KCNK13: variants seen among roughly 807,000 people sequenced by gnomAD.
The protein encoded by KCNK13 is potassium channel subfamily K member 13.
KCNK13 carries 12 observed loss-of-function variants against 23.4 expected under a neutral mutation model. That is an observed-to-expected ratio of 0.51 (90% confidence interval 0.33 to 0.83). The LOEUF is 0.83. Among genes scored for constraint, KCNK13 ranks in the 40% least tolerant of loss-of-function variants. KCNK13 has a pLI of 0.02. For synonymous variants in KCNK13, 231 were observed against 229.5 expected (o/e 1.01, Z -0.06); for missense variants, 463 against 556.3 (o/e 0.83, Z 1.69).
intron 1 of KCNK13, among the ~76,000 whole-genome samples, chr14:90,159,077 C>T (rs1890224955): frequency 6.6e-6 from 1 of 152,196 alleles, no homozygotes. Flanking sequence ...GGTTGAGTGG[C>T]TGGCATCAGG....
intron 1 of KCNK13, among the ~76,000 whole-genome samples, chr14:90,101,367 A>G (rs1889474981): frequency 1.3e-5 from 2 of 152,100 alleles, no homozygotes; most frequent in South Asian, 4.2e-4. Flanking sequence ...TTGTCCTCGT[A>G]TGGCAAAACC....
rs543598452 is a variant in KCNK13, at chr14:90,138,577, T to C, written c.335-45534T>C. On this transcript the variant is annotated intron_variant, in intron 1 of 1. Transcript: ENST00000282146. The stretch of plus-strand genomic sequence containing the variant: ...AGCATTCCCTATTTACCATGGATAA[T>C]TGAGAATTTATATAAAATGTCAGAG... Among the ~76,000 whole-genome samples the C allele has an allele frequency of 4.0e-4, 61 of 152,334 alleles. No individual in the cohort carries two copies. In the South Asian group the frequency reaches 0.012, roughly 31 times the overall value.
At position 90,185,011 on chromosome 14, in the gene KCNK13, G is replaced by T; in HGVS notation, c.*8G>T. On this transcript the variant is annotated 3_prime_UTR_variant, in exon 2 of 2. Transcript: ENST00000282146. ...ACCAGTGGGGACAGGTAGAAGCCAG[G>T]AGTGGATGCTGGGCAGAGGCCAGAG... is the stretch of plus-strand genomic sequence containing the variant. The T allele has an allele frequency of 6.4e-7, 1 of 1,568,830 alleles. No homozygotes were observed. The highest frequency in any genetic ancestry group is 1.2e-5 in the South Asian group (1 of 85,124).
In KCNK13 at chr14:90,116,445, A is replaced by G. The variant is rs942074299; in HGVS notation, c.334+53906A>G. Among the ~76,000 whole-genome samples the G allele has an allele frequency of 3.9e-5, 6 of 152,200 alleles. No homozygotes were observed. The East Asian group carries it at 9.6e-4, about 24-fold the overall frequency. ...ACAGTTATAGCAATTTTCAGTTGCT[A>G]TGGCAGACCGCATCCCTGAAAAGGA... On this transcript the variant is annotated intron_variant, in intron 1 of 1. Transcript: ENST00000282146.
rs1170899930 is a variant in KCNK13, at chr14:90,062,358, G to A, written c.153G>A (p.Gln51=). Residue 51 remains glutamine (Q), a synonymous_variant, in exon 1 of 2, where the codon CAG becomes CAA. Transcript: ENST00000282146. The surrounding 1 kb of genome is among the most constrained non-coding windows in gnomAD (Gnocchi z 4.5). The part of the protein sequence containing the change: ...LELAHERQAK[Q]RWEERLANFS... Reference sequence around the variant, plus strand: ...TGGCGCACGAGCGCCAGGCCAAGCAGCGCTGGGAGGAGCGCCTGGCCAACT... The same window carrying A: ...TGGCGCACGAGCGCCAGGCCAAGCAACGCTGGGAGGAGCGCCTGGCCAACT... 2 of 1,556,906 alleles carry A rather than the reference G, an allele frequency of 1.3e-6. No individual in the cohort carries two copies. Among genetic ancestry groups the A allele is most frequent in the Non-Finnish European group, 8.7e-7 (1 of 1,153,176 alleles).
intron 1 of KCNK13, among the ~76,000 whole-genome samples, chr14:90,099,234 G>A (rs1321838634): frequency 1.3e-5 from 2 of 152,224 alleles, no homozygotes; most frequent in Admixed American, 6.5e-5. Context: ...TCAGTCAGTC[G>A]AGGTTTCTCA....
At position 90,152,352 on chromosome 14, in the gene KCNK13, A is replaced by G. The variant is rs1019562816; in HGVS notation, c.335-31759A>G. On this transcript the variant is annotated intron_variant, in intron 1 of 1. Coordinates refer to ENST00000282146, the MANE Select transcript of KCNK13 (RefSeq NM_022054.4). The stretch of plus-strand genomic sequence containing the variant: ...GGAGTTCCAGACCAGCCTGACCAAC[A>G]TGGTAAAACCCCATCTCTACTAAAA... 2.0e-5 allele frequency among the ~76,000 whole-genome samples: 3 copies of G among 152,288 alleles called. No individual in the cohort carries two copies. In the East Asian group the frequency reaches 5.8e-4, roughly 29 times the overall value.
At chr14:90,086,259 C>T (rs1889275113) in intron 1 of KCNK13, among the ~76,000 whole-genome samples, 1 of 151,912 alleles carries the variant, frequency 6.6e-6, no homozygotes, top group Non-Finnish European at 1.5e-5. Context: ...TATATTTTTC[C>T]TCTCCTGTGG....
chr14:90,137,273 G>T (rs959355906), intron 1 of KCNK13, among the ~76,000 whole-genome samples: 2 of 151,322 alleles, frequency 1.3e-5, no homozygotes, highest in African/African-American at 4.8e-5. Context: ...CCTTTGGCCA[G>T]TGTTTCTACT....
At chr14:90,083,533 A>T (rs1277906860) in intron 1 of KCNK13, among the ~76,000 whole-genome samples, 1 of 152,256 alleles carries the variant, frequency 6.6e-6, no homozygotes, top group African/African-American at 2.4e-5. Context: ...TTATAACAAT[A>T]TAAAGAGGTG....
chr14:90,156,191 T>G (rs1201410244), intron 1 of KCNK13, among the ~76,000 whole-genome samples: 13 of 102,430 alleles, frequency 1.3e-4, no homozygotes, highest in African/African-American at 1.6e-4. Flanking sequence ...GGTGACAGAG[T>G]GAGAGTCTGG....
intron 1 of KCNK13, among the ~76,000 whole-genome samples, chr14:90,129,326 G>C (rs1889839924): frequency 6.6e-6 from 1 of 152,186 alleles, no homozygotes; most frequent in South Asian, 2.1e-4. Flanking sequence ...ACTCTTGGCA[G>C]ATGTCTCCTA....
chr14:90,125,486 G>A (rs886838207), intron 1 of KCNK13, among the ~76,000 whole-genome samples: 1 of 151,820 alleles, frequency 6.6e-6, no homozygotes, highest in East Asian at 1.9e-4. Context: ...GCCTCCCAAA[G>A]TTCTGGGATT....
At chr14:90,097,380 A>G (rs935101995) in intron 1 of KCNK13, among the ~76,000 whole-genome samples, 1 of 152,106 alleles carries the variant, frequency 6.6e-6, no homozygotes, top group Non-Finnish European at 1.5e-5. Flanking sequence ...CCCACTGTCA[A>G]GGGAACTGAT....
At chr14:90,144,642 A>G (rs1477999407) in intron 1 of KCNK13, among the ~76,000 whole-genome samples, 2 of 151,848 alleles carry the variant, frequency 1.3e-5, no homozygotes, top group Non-Finnish European at 2.9e-5. Context: ...ACCATGTCCT[A>G]GAGATGGGGT....
intron 1 of KCNK13, among the ~76,000 whole-genome samples, chr14:90,104,930 C>T (rs557204043): frequency 6.8e-6 from 1 of 146,540 alleles, no homozygotes; most frequent in East Asian, 2.0e-4. Context: ...GCTGGGATTA[C>T]AGGCATGCAC....
intron 1 of KCNK13, among the ~76,000 whole-genome samples, chr14:90,182,868 T>C (rs1295306707): frequency 6.6e-6 from 1 of 151,882 alleles, no homozygotes; most frequent in Non-Finnish European, 1.5e-5. Context: ...TTGATTTTAA[T>C]AAGAAACTGA....
intron 1 of KCNK13, among the ~76,000 whole-genome samples, chr14:90,079,487 G>A (rs557935027): frequency 6.6e-5 from 10 of 152,238 alleles, no homozygotes; most frequent in Non-Finnish European, 1.5e-4. Flanking sequence ...GTGGCTGGTG[G>A]GGTAGAGGGG....
chr14:90,123,376 C>T (rs1889761134), intron 1 of KCNK13, among the ~76,000 whole-genome samples: 1 of 152,278 alleles, frequency 6.6e-6, no homozygotes, highest in East Asian at 1.9e-4. Flanking sequence ...GTGGTCTTCC[C>T]TCCGTGTGTG....
Sources: allele counts gnomAD v4.1 joint callset (sites outside exome capture counted in the v4.1 genomes callset), GRCh38; gene constraint gnomAD v4.1.1; non-coding constraint Gnocchi (gnomAD v3.1); transcripts MANE v1.5; gene names NCBI Gene and HGNC (gene_info 2026-07-23, HGNC 2026-07-21).